The following PARVA variants were observed in gnomAD, a reference collection of about 807,000 sequenced individuals.
The protein encoded by PARVA is alpha-parvin.
A neutral mutation model predicts 52.6 loss-of-function variants in PARVA; 25 were observed. The observed-to-expected ratio is 0.48, with a 90% CI of 0.35 to 0.66. The LOEUF is 0.66. Among genes scored for constraint, PARVA ranks in the 30% least tolerant of loss-of-function variants. The probability of loss-of-function intolerance (pLI) is 0.01; values close to 1 mark genes in which losing one functional copy is unlikely to be tolerated. For missense variants in PARVA, 373 were observed against 450.9 expected, an observed-to-expected ratio of 0.83 and a Z score of 1.56; for synonymous variants, 185 against 179.1, an observed-to-expected ratio of 1.03 and a Z score of -0.26.
At chr11:12,406,360 G>C (rs1423135353) in intron 1 of PARVA, among the ~76,000 whole-genome samples, 1 of 152,222 alleles carries the variant, frequency 6.6e-6, no homozygotes. Flanking sequence ...AAAGTCAACT[G>C]ATTGTGGATG....
intron 12 of PARVA, among the ~76,000 whole-genome samples, chr11:12,524,963 C>A (rs2135091086): frequency 6.6e-6 from 1 of 152,354 alleles, no homozygotes; most frequent in South Asian, 2.1e-4. Flanking sequence ...GAAGGCCTCC[C>A]TCCAGGAGCC....
chr11:12,387,476 C>T (rs1379970884), intron 1 of PARVA, among the ~76,000 whole-genome samples: 2 of 152,122 alleles, frequency 1.3e-5, no homozygotes, highest in Non-Finnish European at 2.9e-5. Context: ...GAGGGAGTCC[C>T]CAGGTTACCC....
At chr11:12,484,070 A>G (rs1307621237) in intron 4 of PARVA, among the ~76,000 whole-genome samples, 1 of 152,182 alleles carries the variant, frequency 6.6e-6, no homozygotes, top group African/African-American at 2.4e-5. Flanking sequence ...CAAAGTTGGG[A>G]CACATTTCCA....
intron 1 of PARVA, among the ~76,000 whole-genome samples, chr11:12,462,748 A>T (rs529726035): frequency 6.6e-6 from 1 of 152,346 alleles, no homozygotes; most frequent in Non-Finnish European, 1.5e-5. Context: ...TTTCAGTGAC[A>T]CTTGTACTAG....
intron 1 of PARVA, among the ~76,000 whole-genome samples, chr11:12,464,494 C>T (rs576843637): frequency 1.4e-4 from 21 of 152,264 alleles, no homozygotes; most frequent in African/African-American, 3.1e-4. Context: ...ACTAGAGTGC[C>T]GTGCCTAAAT....
rs991733910 is a variant in PARVA at position 12,497,776 on chromosome 11, G to C, written c.541+1178G>C. Among the ~76,000 whole-genome samples, 5 of 152,138 alleles carry C rather than the reference G, an allele frequency of 3.3e-5. No individual in the cohort carries two copies. In the East Asian group the frequency reaches 9.7e-4, roughly 29 times the overall value. ...TCCAGGAATGCTAGTATTGTCAATG[G>C]GGGAGAACAAGGCAGGGCAGGGAGG... On this transcript the variant is annotated intron_variant, in intron 5 of 12. Transcript: ENST00000334956.
chr11:12,377,638 G>A lies in PARVA; in HGVS notation c.-10G>A. 1.3e-6 allele frequency: 2 copies of A among 1,567,292 alleles called. No homozygotes were observed. The highest frequency in any genetic ancestry group is 1.7e-6 in the Non-Finnish European group (2 of 1,162,284). On this transcript the variant is annotated 5_prime_UTR_variant, in exon 1 of 13. Transcript: ENST00000334956. ...CGTCCCGACCGGCCCGCGGCAGCCT[G>A]CGCCGCGCCATGGCCACCTCCCCGC...
At chr11:12,424,305 TA>T (rs1940195675) in intron 1 of PARVA, among the ~76,000 whole-genome samples, 1 of 152,158 alleles carries the variant, frequency 6.6e-6, no homozygotes, top group African/African-American at 2.4e-5. Context: ...AAACAAGTGA[TA>T]TGTCCATTTC....
At chr11:12,379,754 A>G (rs1460924328) in intron 1 of PARVA, among the ~76,000 whole-genome samples, 1 of 152,350 alleles carries the variant, frequency 6.6e-6, no homozygotes, top group East Asian at 1.9e-4. Context: ...GAGAAGCAGC[A>G]AAAACATACA....
At chr11:12,512,378 C>T in intron 8 of PARVA, among the ~76,000 whole-genome samples, 1 of 152,186 alleles carries the variant, frequency 6.6e-6, no homozygotes, top group East Asian at 1.9e-4. Flanking sequence ...TTAGGGATCA[C>T]CATCCCCTTC....
intron 1 of PARVA, among the ~76,000 whole-genome samples, chr11:12,464,699 G>A (rs530243064): frequency 2.0e-5 from 3 of 152,036 alleles, no homozygotes; most frequent in Middle Eastern, 3.2e-3. Flanking sequence ...TTACATTAAG[G>A]TTTACTCCTT....
intron 1 of PARVA, among the ~76,000 whole-genome samples, chr11:12,462,475 A>G (rs934841556): frequency 6.6e-6 from 1 of 152,184 alleles, no homozygotes; most frequent in Non-Finnish European, 1.5e-5. Flanking sequence ...CTAGAAAAGG[A>G]AAGAAAATGG....
At chr11:12,470,227 T>C (rs948658566) in intron 1 of PARVA, among the ~76,000 whole-genome samples, 1 of 152,232 alleles carries the variant, frequency 6.6e-6, no homozygotes, top group Non-Finnish European at 1.5e-5. Flanking sequence ...TGAAGGGTGG[T>C]CTTGACAGTT....
Position 12,531,079 on chromosome 11 carries a change from G to C in PARVA, c.*3154G>C, listed in dbSNP as rs1941766536. ...TATATATTACCAGGACTACGAATTT[G>C]TAATCCACTAAGCATCACAAAGGTT... On this transcript the variant is annotated 3_prime_UTR_variant, in exon 13 of 13. Transcript: ENST00000334956. Among the ~76,000 whole-genome samples the C allele has an allele frequency of 6.6e-6, 1 of 152,140 alleles. No individual in the cohort carries two copies. Among genetic ancestry groups the C allele is most frequent in the Non-Finnish European group, 1.5e-5 (1 of 68,024 alleles).
At chr11:12,510,989 C>A (rs550269402) in intron 7 of PARVA, among the ~76,000 whole-genome samples, 25 of 152,232 alleles carry the variant, frequency 1.6e-4, no homozygotes, top group African/African-American at 5.8e-4. Flanking sequence ...GTTCCAGTTC[C>A]TGCACTCTTT....
intron 1 of PARVA, among the ~76,000 whole-genome samples, chr11:12,390,641 C>T (rs1939645929): frequency 6.6e-6 from 1 of 152,122 alleles, no homozygotes; most frequent in Non-Finnish European, 1.5e-5. Context: ...TGGGGAGGCT[C>T]ACAAAGGGAC....
intron 12 of PARVA, among the ~76,000 whole-genome samples, chr11:12,521,491 G>GT (rs1464653491): frequency 6.6e-6 from 1 of 152,142 alleles, no homozygotes; most frequent in Non-Finnish European, 1.5e-5. Flanking sequence ...ATCTAACATA[G>GT]TTGAAGATTT....
intron 5 of PARVA, among the ~76,000 whole-genome samples, chr11:12,497,217 CTAA>C (rs1183429279): frequency 6.6e-6 from 1 of 152,042 alleles, no homozygotes. Context: ...GGCCCGGTGT[CTAA>C]TACAGACTTA....
chr11:12,451,440 A>G (rs1940622626), intron 1 of PARVA, among the ~76,000 whole-genome samples: 1 of 151,158 alleles, frequency 6.6e-6, no homozygotes, highest in African/African-American at 2.5e-5. Context: ...GAGGCTAGGT[A>G]GAGATGCTTT....
Sources: gnomAD v4.1 joint callset for allele counts (sites outside exome capture counted in the v4.1 genomes callset) on GRCh38, gnomAD v4.1.1 for gene constraint, MANE v1.5 for transcripts, NCBI Gene and HGNC (gene_info 2026-07-23, HGNC 2026-07-21) for gene names.